LOXHD1: variants seen among roughly 807,000 people sequenced by gnomAD.
LOXHD1 encodes lipoxygenase homology domain-containing protein 1.
Under a neutral mutation model 248.2 loss-of-function variants are expected in LOXHD1, and 205 were observed. The ratio of observed to expected loss-of-function variants is 0.83; its 90% CI spans 0.74 to 0.93. The LOEUF (loss-of-function observed/expected upper bound fraction) is 0.93. Among genes scored for constraint, LOXHD1 ranks in the 40% least tolerant of loss-of-function variants. The pLI, the probability that LOXHD1 is intolerant of heterozygous loss-of-function variation, is 0.00. For missense variants in LOXHD1, 2,930 were observed against 2,971.6 expected (o/e 0.99, Z 0.33); for synonymous variants, 1,113 against 1,162.8 (o/e 0.96, Z 0.87).
intron 4 of LOXHD1, among the ~76,000 whole-genome samples, chr18:46,629,507 C>T (rs1265494264): frequency 6.6e-6 from 1 of 152,078 alleles, no homozygotes; most frequent in Non-Finnish European, 1.5e-5. Context: ...TGCACATGCC[C>T]CTAATACGTT....
chr18:46,533,710 T>G, intron 27 of LOXHD1: 1 of 328,208 alleles, frequency 3.0e-6, no homozygotes, highest in South Asian at 2.4e-5. Flanking sequence ...GATTACCTGA[T>G]GTCAGGATTT....
chr18:46,652,043 G>A (rs2039118352), intron 1 of LOXHD1, among the ~76,000 whole-genome samples: 1 of 152,224 alleles, frequency 6.6e-6, no homozygotes. Flanking sequence ...ACAACAGAAT[G>A]CTACTCAGCA....
intron 4 of LOXHD1, among the ~76,000 whole-genome samples, chr18:46,623,064 G>A (rs1302705963): frequency 1.3e-5 from 2 of 152,156 alleles, no homozygotes; most frequent in Non-Finnish European, 2.9e-5. Flanking sequence ...CCCATTTAGT[G>A]TATTATCTGT....
At chr18:46,537,725 T>A (rs2036374201) in intron 26 of LOXHD1, among the ~76,000 whole-genome samples, 2 of 152,230 alleles carry the variant, frequency 1.3e-5, no homozygotes, top group African/African-American at 4.8e-5. Context: ...TGTTTGACCA[T>A]AGCTTGAGAG....
chr18:46,591,731 T>A (rs1264460155), intron 12 of LOXHD1, among the ~76,000 whole-genome samples: 1 of 152,050 alleles, frequency 6.6e-6, no homozygotes, highest in Non-Finnish European at 1.5e-5. Flanking sequence ...ACCACACCAA[T>A]CATGGTAGAG....
chr18:46,546,811 A>G (rs2036861180), intron 22 of LOXHD1, 84 bp downstream of exon 22: 1 of 1,424,898 alleles, frequency 7.0e-7, no homozygotes, highest in African/African-American at 1.4e-5. Flanking sequence ...CCCACAGGGG[A>G]GGGAAGGAAG....
At chr18:46,656,111 A>T (rs1432734533) in intron 1 of LOXHD1, among the ~76,000 whole-genome samples, 1 of 152,190 alleles carries the variant, frequency 6.6e-6, no homozygotes, top group African/African-American at 2.4e-5. Context: ...TGAGAATTTA[A>T]ATGGCTTCAG....
Position 46,560,255 on chromosome 18 carries a change from G to C in LOXHD1, c.2889C>G (p.Ser963=). ...CTTCCATCTCCTCCTCCTCTGACGAGGACTCCTCTGATGAGGACGACTCCT... is the reference window on the plus strand; with the variant it reads ...CTTCCATCTCCTCCTCCTCTGACGACGACTCCTCTGATGAGGACGACTCCT... ...EEEESSSSEE[S]SSEEEEMEEE... The change falls in exon 19 of 41, where the codon TCC becomes TCG. Residue 963 remains serine (S), a synonymous_variant. Transcript: ENST00000642948. 1 of 1,551,824 alleles carries C rather than the reference G, an allele frequency of 6.4e-7. No homozygotes were observed. Among genetic ancestry groups the C allele is most frequent in the Non-Finnish European group, 8.7e-7 (1 of 1,147,002 alleles).
chr18:46,542,944 G>T, intron 23 of LOXHD1, 89 bp from the exon 24 acceptor site: 1 of 1,512,060 alleles, frequency 6.6e-7, no homozygotes, highest in South Asian at 1.2e-5. Context: ...TTTTCAAAAT[G>T]ACCAAATTTC....
chr18:46,601,853 T>A (rs1256785670), intron 7 of LOXHD1, among the ~76,000 whole-genome samples: 1 of 152,230 alleles, frequency 6.6e-6, no homozygotes, highest in South Asian at 2.1e-4. Flanking sequence ...CTAATCTAAT[T>A]ATAATAGTCA....
chr18:46,632,811 G>A (rs1177651618), intron 4 of LOXHD1, among the ~76,000 whole-genome samples: 3 of 152,154 alleles, frequency 2.0e-5, no homozygotes, highest in Non-Finnish European at 4.4e-5. Flanking sequence ...AGTGAGACAA[G>A]CCTAGAGATG....
intron 3 of LOXHD1, among the ~76,000 whole-genome samples, chr18:46,640,197 G>T (rs888076058): frequency 6.6e-6 from 1 of 152,068 alleles, no homozygotes; most frequent in Admixed American, 6.6e-5. Context: ...AACACTTCTT[G>T]ATATCCAGCT....
intron 11 of LOXHD1, 79 bp downstream of exon 11, chr18:46,592,419 A>G: frequency 8.2e-7 from 1 of 1,215,486 alleles, no homozygotes; most frequent in Non-Finnish European, 1.2e-6. Context: ...AGGCAAATTT[A>G]TGTGACAGGG....
intron 40 of LOXHD1, 84 bp from the exon 41 acceptor site, chr18:46,478,036 A>T (rs2032185191): frequency 2.0e-6 from 3 of 1,465,184 alleles, no homozygotes; most frequent in Non-Finnish European, 2.7e-6. Flanking sequence ...CCCCTTGCTC[A>T]TCTATAAATG....
intron 19 of LOXHD1, 35 bp downstream of exon 19, chr18:46,560,048 T>TGCCGGCG: frequency 2.4e-6 from 3 of 1,226,294 alleles, no homozygotes; most frequent in Non-Finnish European, 3.4e-6. Flanking sequence ...GTCTGGCCAC[T>TGCCGGCG]CCCTCCCCAC....
chr18:46,571,190 G>A (rs541585580), intron 15 of LOXHD1, among the ~76,000 whole-genome samples: 24 of 152,260 alleles, frequency 1.6e-4, no homozygotes, highest in African/African-American at 5.8e-4. Context: ...TTTAGCTGCC[G>A]GGTGCCGTGG....
intron 25 of LOXHD1, among the ~76,000 whole-genome samples, chr18:46,540,654 C>CTTTTTTTTTTTTTTTTTTTTTTT (rs60099172): frequency 1.1e-5 from 1 of 91,402 alleles, no homozygotes; most frequent in Non-Finnish European, 2.0e-5. Context: ...AACTCTTTAT[C>CTTTTTTTTTTTTTTTTTTTTTTT]TTTTTTTTTT....
At chr18:46,483,133 A>G (rs2032722230) in intron 40 of LOXHD1, among the ~76,000 whole-genome samples, 1 of 152,194 alleles carries the variant, frequency 6.6e-6, no homozygotes, top group South Asian at 2.1e-4. Flanking sequence ...TGTGAGGCAG[A>G]TGGACCATTG....
At chr18:46,635,171 T>C (rs1208191044) in intron 4 of LOXHD1, among the ~76,000 whole-genome samples, 1 of 152,020 alleles carries the variant, frequency 6.6e-6, no homozygotes, top group African/African-American at 2.4e-5. Context: ...GATGCCTAGA[T>C]AGACACTGTG....
Sources: gnomAD v4.1 joint callset for allele counts (sites outside exome capture counted in the v4.1 genomes callset) on GRCh38, gnomAD v4.1.1 for gene constraint, MANE v1.5 for transcripts, NCBI Gene and HGNC (gene_info 2026-07-23, HGNC 2026-07-21) for gene names.